The following FAM227B variants were observed in gnomAD, a reference collection of about 807,000 sequenced individuals.
FAM227B encodes protein FAM227B.
In FAM227B, 88 loss-of-function variants were observed where a neutral mutation model predicts 73.8. The ratio of observed to expected loss-of-function variants is 1.19; its 90% CI spans 1.00 to 1.42. FAM227B has a LOEUF of 1.42. FAM227B is among the 40% of genes most tolerant of loss of function. The probability of loss-of-function intolerance (pLI) is 0.00; values close to 1 mark genes in which losing one functional copy is unlikely to be tolerated. For synonymous variants in FAM227B, 210 were observed against 190.5 expected (o/e 1.10, Z -0.84); for missense variants, 632 against 590.9 (o/e 1.07, Z -0.72).
intron 8 of FAM227B, among the ~76,000 whole-genome samples, chr15:49,570,100 TAG>T (rs1383330169): frequency 2.6e-5 from 4 of 151,976 alleles, no homozygotes; most frequent in African/African-American, 4.8e-5. Flanking sequence ...AACGTGGAAA[TAG>T]AGTTATGTAT....
intron 11 of FAM227B, among the ~76,000 whole-genome samples, chr15:49,383,388 A>T (rs2046666691): frequency 6.6e-6 from 1 of 152,044 alleles, no homozygotes; most frequent in Non-Finnish European, 1.5e-5. Context: ...TTAGCAGTAA[A>T]CTATTTTTAA....
At chr15:49,399,493 AT>A (rs1173898117) in intron 11 of FAM227B, among the ~76,000 whole-genome samples, 8 of 148,478 alleles carry the variant, frequency 5.4e-5, no homozygotes, top group Admixed American at 1.3e-4. Context: ...TCCCTAACTC[AT>A]TTTATGAGGC....
At chr15:49,427,481 T>C (rs904962651) in intron 11 of FAM227B, among the ~76,000 whole-genome samples, 1 of 152,050 alleles carries the variant, frequency 6.6e-6, no homozygotes, top group Admixed American at 6.6e-5. Flanking sequence ...TTTCAACAGG[T>C]TGTCATGTCA....
At chr15:49,359,954 T>C (rs552354878) in intron 13 of FAM227B, among the ~76,000 whole-genome samples, 109 of 149,498 alleles carry the variant, frequency 7.3e-4, no homozygotes, top group African/African-American at 2.5e-3. Context: ...ATGGATGAAA[T>C]TGGAAATCAT....
intron 13 of FAM227B, chr15:49,354,068 C>T (rs996624912): frequency 7.9e-5 from 12 of 152,104 alleles, no homozygotes; most frequent in Non-Finnish European, 1.5e-4. Flanking sequence ...TCACTGTTGA[C>T]AATTTTCTTC....
At chr15:49,378,905 C>T (rs1227344587) in intron 11 of FAM227B, among the ~76,000 whole-genome samples, 1 of 152,116 alleles carries the variant, frequency 6.6e-6, no homozygotes, top group Non-Finnish European at 1.5e-5. Flanking sequence ...AGTTTTTCCT[C>T]ACTCAATATA....
At chr15:49,509,051 G>C (rs1275954251) in intron 10 of FAM227B, among the ~76,000 whole-genome samples, 4 of 152,166 alleles carry the variant, frequency 2.6e-5, no homozygotes, top group Admixed American at 2.6e-4. Context: ...CCTTAGGAAG[G>C]AAGAGGCAAG....
At chr15:49,353,369 T>C (rs2042532606) in intron 13 of FAM227B, 1 of 152,202 alleles carries the variant, frequency 6.6e-6, no homozygotes, top group Non-Finnish European at 1.5e-5. Flanking sequence ...ACACTGTGTC[T>C]CTGTTTTTCC....
intron 11 of FAM227B, among the ~76,000 whole-genome samples, chr15:49,461,219 T>C (rs965834658): frequency 3.3e-5 from 5 of 152,190 alleles, no homozygotes; most frequent in African/African-American, 1.2e-4. Context: ...GAGTCTTCCT[T>C]GTCATTTGGG....
intron 9 of FAM227B, among the ~76,000 whole-genome samples, chr15:49,549,280 G>A (rs1382283285): frequency 2.1e-5 from 3 of 142,332 alleles, no homozygotes; most frequent in African/African-American, 5.5e-5. Context: ...TAATTTCCAC[G>A]TTTACTTTCA....
At chr15:49,526,627 A>C (rs1280776586) in intron 10 of FAM227B, among the ~76,000 whole-genome samples, 1 of 151,978 alleles carries the variant, frequency 6.6e-6, no homozygotes, top group African/African-American at 2.4e-5. Context: ...TTGAAAGGAG[A>C]AACAAGATTG....
chr15:49,484,658 T>G (rs1231528342), intron 11 of FAM227B: 1 of 457,622 alleles, frequency 2.2e-6, no homozygotes, highest in Non-Finnish European at 3.8e-6. Context: ...CTTGTGCATT[T>G]ATGTTTGTTT....
intron 13 of FAM227B, among the ~76,000 whole-genome samples, chr15:49,353,303 G>A (rs1463990276): frequency 6.6e-6 from 1 of 152,080 alleles, no homozygotes; most frequent in Non-Finnish European, 1.5e-5. Context: ...GCAATCAAGG[G>A]TTTTATGTTT....
At chr15:49,576,623 A>G (rs1598340399) in intron 7 of FAM227B, 118 bp downstream of exon 7, 1 of 642,132 alleles carries the variant, frequency 1.6e-6, no homozygotes, top group South Asian at 2.0e-5. Context: ...GCCAAATTTA[A>G]TGCCCAAAGG....
At chr15:49,394,761 T>C (rs1031110815) in intron 11 of FAM227B, among the ~76,000 whole-genome samples, 2 of 152,066 alleles carry the variant, frequency 1.3e-5, no homozygotes, top group African/African-American at 4.8e-5. Flanking sequence ...CTTCAGTGAG[T>C]TAGGAGCAGT....
At position 49,596,650 on chromosome 15, in the gene FAM227B, A is replaced by G. The variant is rs545398366; in HGVS notation, c.106-6643T>C. Among the ~76,000 whole-genome samples, 14 of 152,138 alleles carry G rather than the reference A, an allele frequency of 9.2e-5. No homozygotes were observed. In the East Asian group the frequency reaches 2.7e-3, roughly 29 times the overall value. ...TCAATACATTGGATGTAAATGGCCT[A>G]AATGCTCCACTTAGAAGATACAGAA... On this transcript the variant is annotated intron_variant, in intron 3 of 15. Coordinates refer to ENST00000299338, the MANE Select transcript of FAM227B (RefSeq NM_152647.3).
chr15:49,398,056 T>C (rs1031150105), intron 11 of FAM227B, among the ~76,000 whole-genome samples: 4 of 152,030 alleles, frequency 2.6e-5, no homozygotes, highest in East Asian at 1.9e-4. Flanking sequence ...GACTGGCAAA[T>C]TGGATAAAGA....
rs1382702906 is a variant in FAM227B, at chr15:49,366,141, T to G, written c.1271+1307A>C. 3.0e-6 allele frequency: 3 copies of G among 987,886 alleles called. No homozygotes were observed. The African/African-American group carries it at 4.8e-5, about 16-fold the overall frequency. The allele number at this position is 987,886 out of a possible 1,614,324, so 61.2% of individuals were successfully genotyped here. A position where few individuals can be genotyped will look rare whatever the true frequency, so the allele number is the denominator to read the frequency against. On this transcript the variant is annotated intron_variant, in intron 13 of 15. Coordinates refer to ENST00000299338, the MANE Select transcript of FAM227B (RefSeq NM_152647.3). Reference sequence around the variant, plus strand: ...CTCCAGTATCCACCTAATGCCACAGTGAACACAGCAATTACAAAAATAACC... The same window carrying G: ...CTCCAGTATCCACCTAATGCCACAGGGAACACAGCAATTACAAAAATAACC...
At chr15:49,542,711 A>AATATAT (rs56759104) in intron 9 of FAM227B, among the ~76,000 whole-genome samples, 36 of 147,924 alleles carry the variant, frequency 2.4e-4, no homozygotes, top group Middle Eastern at 3.6e-3. Flanking sequence ...TTTATATATA[A>AATATAT]ATATATATAT....
Sources: allele counts gnomAD v4.1 joint callset (sites outside exome capture counted in the v4.1 genomes callset), GRCh38; gene constraint gnomAD v4.1.1; transcripts MANE v1.5; gene names NCBI Gene and HGNC (gene_info 2026-07-23, HGNC 2026-07-21).